The following FAM135B variants were observed in gnomAD, a reference collection of about 807,000 sequenced individuals.
The protein encoded by FAM135B is family with sequence similarity 135 member B.
Under a neutral mutation model 127.7 loss-of-function variants are expected in FAM135B, and 43 were observed. That is an observed-to-expected ratio of 0.34 (90% CI 0.26 to 0.43). The LOEUF is 0.43. Ranked by LOEUF, FAM135B falls within the 20% of genes least tolerant of loss-of-function variation. FAM135B has a pLI of 1.00. For synonymous variants in FAM135B, 670 were observed against 665.1 expected (o/e 1.01, Z -0.11); for missense variants, 1,558 against 1,725.6 (o/e 0.90, Z 1.72).
intron 12 of FAM135B, among the ~76,000 whole-genome samples, chr8:138,154,760 A>T (rs1027622591): frequency 3.3e-5 from 5 of 152,188 alleles, no homozygotes; most frequent in Non-Finnish European, 7.3e-5. Flanking sequence ...GAGTAAAAAG[A>T]AATGAACAAA....
chr8:138,470,114 A>G (rs1837598316), intron 1 of FAM135B, among the ~76,000 whole-genome samples: 1 of 152,232 alleles, frequency 6.6e-6, no homozygotes. Context: ...TGAAAGGTAT[A>G]ATATCTGAAC....
chr8:138,381,538 C>T (rs887379722), intron 1 of FAM135B, among the ~76,000 whole-genome samples: 4 of 152,182 alleles, frequency 2.6e-5, no homozygotes, highest in African/African-American at 7.2e-5. Context: ...AATTGAAGGA[C>T]AGCCATGGAG....
rs563304799 is a variant in FAM135B, at chr8:138,290,656, A to C, written c.157+20185T>G. 2.0e-5 allele frequency among the ~76,000 whole-genome samples: 3 copies of C among 152,134 alleles called. No homozygotes were observed. In the East Asian group the frequency reaches 5.8e-4, roughly 29 times the overall value. The stretch of plus-strand genomic sequence containing the variant: ...TGATGGTTTATTTTCTCATTGTAGC[A>C]GTGTTGGGTTATGGGAGCAGAACCT... On this transcript the variant is annotated intron_variant, in intron 3 of 19. Transcript: ENST00000395297.
intron 6 of FAM135B, among the ~76,000 whole-genome samples, chr8:138,245,931 T>C (rs1306775642): frequency 6.6e-6 from 1 of 152,152 alleles, no homozygotes. Flanking sequence ...ATATGGGCAA[T>C]GAAGTCCAAG....
At chr8:138,407,750 A>C (rs1178609487) in intron 1 of FAM135B, among the ~76,000 whole-genome samples, 1 of 152,186 alleles carries the variant, frequency 6.6e-6, no homozygotes, top group African/African-American at 2.4e-5. Context: ...CTTATACGAA[A>C]ATTAATTCAA....
intron 1 of FAM135B, among the ~76,000 whole-genome samples, chr8:138,400,961 T>C (rs1437804567): frequency 6.6e-6 from 1 of 152,230 alleles, no homozygotes; most frequent in Non-Finnish European, 1.5e-5. Context: ...CTGATAAGAT[T>C]GCAAAGGACT....
intron 1 of FAM135B, among the ~76,000 whole-genome samples, chr8:138,410,889 A>G (rs1833826096): frequency 6.6e-6 from 1 of 152,082 alleles, no homozygotes; most frequent in African/African-American, 2.4e-5. Context: ...CCCATTCACA[A>G]TTGCTTCAAA....
chr8:138,358,334 G>C (rs1163351361), intron 2 of FAM135B: 1 of 152,138 alleles, frequency 6.6e-6, no homozygotes, highest in East Asian at 1.9e-4. Context: ...TAAGTATAAA[G>C]TACCTGCATA....
In FAM135B at chr8:138,241,839, C is replaced by G. The variant is rs1820802329; in HGVS notation, c.669+1103G>C. Among the ~76,000 whole-genome samples the G allele has an allele frequency of 6.6e-6, 1 of 152,154 alleles. No individual in the cohort carries two copies. Among genetic ancestry groups the G allele is most frequent in the Admixed American group, 6.5e-5 (1 of 15,280 alleles). ...GCCTGTGAGGGTATGTCTGGATGAA[C>G]TGGTCAATTGAATAAAGCAGATAGC... On this transcript the variant is annotated intron_variant, in intron 7 of 19. Coordinates refer to ENST00000395297, the MANE Select transcript of FAM135B (RefSeq NM_015912.4). This position sits in a 1 kb window ranked among gnomAD's most constrained non-coding sequence, Gnocchi z 4.8.
chr8:138,213,478 C>T (rs762632050), intron 7 of FAM135B, among the ~76,000 whole-genome samples: 15 of 150,962 alleles, frequency 9.9e-5, no homozygotes, highest in Non-Finnish European at 1.5e-4. Flanking sequence ...GGCTAAATTC[C>T]GTGTGTTGTT....
chr8:138,197,779 T>A, intron 7 of FAM135B, 110 bp from the exon 8 acceptor site: 1 of 1,253,924 alleles, frequency 8.0e-7, no homozygotes, highest in Non-Finnish European at 1.1e-6. Context: ...TGTTTGGAGG[T>A]TCAGGGAAGG....
intron 1 of FAM135B, among the ~76,000 whole-genome samples, chr8:138,452,505 C>T (rs1836555116): frequency 1.3e-5 from 2 of 152,150 alleles, no homozygotes; most frequent in Non-Finnish European, 2.9e-5. Context: ...AAAGTGTCCA[C>T]ACCAAGACAC....
At chr8:138,467,230 A>G (rs1837429842) in intron 1 of FAM135B, among the ~76,000 whole-genome samples, 1 of 152,172 alleles carries the variant, frequency 6.6e-6, no homozygotes, top group Non-Finnish European at 1.5e-5. Flanking sequence ...GTCTAACCAC[A>G]GGGTTCACCA....
In FAM135B at chr8:138,141,272, T is replaced by C. The variant is rs1219705524; in HGVS notation, c.3716A>G (p.Lys1239Arg). ...TRPRFRYYLN[K>R]LHTFLSLSGP... ...AGAGAGTGACAGGAACGTGTGGAGT[T>C]TGTTGAGGTAATACCGGAACCGGGG... Residue 1239 changes from lysine to arginine, a missense_variant, in exon 17 of 20, where the codon AAA becomes AGA. By Grantham distance (26) the Lys-to-Arg change is conservative (BLOSUM62 2). Coordinates refer to ENST00000395297, the MANE Select transcript of FAM135B (RefSeq NM_015912.4). The surrounding 1 kb of genome is among the most constrained non-coding windows in gnomAD (Gnocchi z 4.7). The C allele has an allele frequency of 6.2e-7, 1 of 1,613,958 alleles. No individual in the cohort carries two copies. Among genetic ancestry groups the C allele is most frequent in the Non-Finnish European group, 8.5e-7 (1 of 1,180,014 alleles).
chr8:138,471,891 G>C (rs1288307785), intron 1 of FAM135B, among the ~76,000 whole-genome samples: 1 of 152,074 alleles, frequency 6.6e-6, no homozygotes, highest in African/African-American at 2.4e-5. Flanking sequence ...AGGAAAGAAT[G>C]AAATCAAGGA....
chr8:138,201,729 A>C (rs1489276186), intron 7 of FAM135B, among the ~76,000 whole-genome samples: 1 of 152,120 alleles, frequency 6.6e-6, no homozygotes, highest in Non-Finnish European at 1.5e-5. Flanking sequence ...CTAAATAATA[A>C]AACGAGAATC....
At chr8:138,368,930 A>T (rs1830942101) in intron 1 of FAM135B, among the ~76,000 whole-genome samples, 1 of 152,180 alleles carries the variant, frequency 6.6e-6, no homozygotes, top group Non-Finnish European at 1.5e-5. Context: ...AAAGTATTCC[A>T]TGTAAGTTGC....
intron 2 of FAM135B, among the ~76,000 whole-genome samples, chr8:138,325,243 C>G (rs1407688022): frequency 6.6e-6 from 1 of 152,190 alleles, no homozygotes; most frequent in Non-Finnish European, 1.5e-5. Context: ...AATGGAGCCT[C>G]CGCAGAAGCC....
In FAM135B at chr8:138,185,766, C is replaced by A. The variant is rs1815501477; in HGVS notation, c.874-7076G>T. ...TGCTGTATTATAACAAATTAAACAA[C>A]AACAGCAACATTGCTCTCCAGTTGA... On this transcript the variant is annotated intron_variant, in intron 9 of 19. Coordinates refer to ENST00000395297, the MANE Select transcript of FAM135B (RefSeq NM_015912.4). Among the ~76,000 whole-genome samples the A allele has an allele frequency of 2.6e-5, 4 of 152,210 alleles. No homozygotes were observed. In the South Asian group the frequency reaches 8.3e-4, roughly 32 times the overall value.
Sources: allele counts gnomAD v4.1 joint callset (sites outside exome capture counted in the v4.1 genomes callset), GRCh38; gene constraint gnomAD v4.1.1; non-coding constraint Gnocchi (gnomAD v3.1); transcripts MANE v1.5; gene names NCBI Gene and HGNC (gene_info 2026-07-23, HGNC 2026-07-21).